PRKAR1B: variants seen among roughly 807,000 people sequenced by gnomAD.
PRKAR1B encodes the protein cAMP-dependent protein kinase type I-beta regulatory subunit.
Under a neutral mutation model 46.5 loss-of-function variants are expected in PRKAR1B, and 22 were observed. That is an observed-to-expected ratio of 0.47 (90% CI 0.34 to 0.68). The LOEUF is 0.68. PRKAR1B is among the 30% of genes least tolerant of loss of function. The pLI is 0.01. For synonymous variants in PRKAR1B, 259 were observed against 217.7 expected (o/e 1.19, Z -1.67); for missense variants, 445 against 535.6 (o/e 0.83, Z 1.67).
intron 2 of PRKAR1B, among the ~76,000 whole-genome samples, chr7:680,982 A>T (rs1264743100): frequency 6.6e-6 from 1 of 151,970 alleles, no homozygotes; most frequent in Non-Finnish European, 1.5e-5. Flanking sequence ...TGTAATCCCC[A>T]TCATCCCCAT....
At chr7:707,246 C>T (rs1358171085) in intron 2 of PRKAR1B, among the ~76,000 whole-genome samples, 1 of 152,220 alleles carries the variant, frequency 6.6e-6, no homozygotes, top group Non-Finnish European at 1.5e-5. Flanking sequence ...CTCCCCAATG[C>T]CTGTCCCTAT....
intron 4 of PRKAR1B, among the ~76,000 whole-genome samples, chr7:653,638 C>T (rs1785026862): frequency 6.6e-6 from 1 of 152,110 alleles, no homozygotes; most frequent in South Asian, 2.1e-4. Flanking sequence ...AAGGGCTACT[C>T]CAAAAGCTCA....
At chr7:724,560 T>C (rs1781183361) in intron 1 of PRKAR1B, among the ~76,000 whole-genome samples, 1 of 152,250 alleles carries the variant, frequency 6.6e-6, no homozygotes, top group African/African-American at 2.4e-5. Flanking sequence ...CTGTATAAGT[T>C]ACCCAGTCTC....
intron 6 of PRKAR1B, among the ~76,000 whole-genome samples, chr7:598,785 G>GC (rs1162835078): frequency 6.6e-5 from 10 of 152,232 alleles, no homozygotes; most frequent in African/African-American, 2.4e-4. Context: ...AGCCAGGGAG[G>GC]CGGGTAACAT....
In PRKAR1B at chr7:711,314, G is replaced by T; in HGVS notation, c.177+15C>A. ...CACGTGCGAAGGGAAGCAGCGGGCG[G>T]CGGGGGCCACTCACCTTCTCCAGCT... On this transcript the variant is annotated intron_variant, in intron 2 of 10. Transcript: ENST00000537384. 6.2e-7 allele frequency: 1 copy of T among 1,613,768 alleles called. No individual in the cohort carries two copies. Among genetic ancestry groups the T allele is most frequent in the Non-Finnish European group, 8.5e-7 (1 of 1,179,758 alleles).
At chr7:579,455 C>G in intron 8 of PRKAR1B, 78 bp from the exon 9 acceptor site, 1 of 1,576,292 alleles carries the variant, frequency 6.3e-7, no homozygotes, top group Non-Finnish European at 8.6e-7. Flanking sequence ...GGCCACCGCT[C>G]TTCCCGAAAG....
intron 9 of PRKAR1B, among the ~76,000 whole-genome samples, chr7:570,227 G>T (rs1235631089): frequency 6.6e-6 from 1 of 152,222 alleles, no homozygotes; most frequent in Non-Finnish European, 1.5e-5. Flanking sequence ...GCCTCCGGAA[G>T]GTTGACCGCA....
chr7:601,430 T>C (rs1405889968), intron 6 of PRKAR1B, among the ~76,000 whole-genome samples: 1 of 152,250 alleles, frequency 6.6e-6, no homozygotes, highest in African/African-American at 2.4e-5. Context: ...GTAATTATTA[T>C]AATACATATG....
intron 4 of PRKAR1B, among the ~76,000 whole-genome samples, chr7:618,490 T>C (rs1020601565): frequency 5.3e-5 from 8 of 152,210 alleles, no homozygotes; most frequent in Non-Finnish European, 1.5e-5. Flanking sequence ...TCTTAAGCTA[T>C]GTGCATTTAA....
At chr7:624,099 C>T (rs1321472680) in intron 4 of PRKAR1B, among the ~76,000 whole-genome samples, 1 of 152,188 alleles carries the variant, frequency 6.6e-6, no homozygotes, top group African/African-American at 2.4e-5. Context: ...AGACCAGCAC[C>T]CGCAGGTTTA....
intron 7 of PRKAR1B, among the ~76,000 whole-genome samples, chr7:590,319 G>A (rs1019591870): frequency 2.6e-5 from 4 of 152,268 alleles, no homozygotes; most frequent in African/African-American, 7.2e-5. Flanking sequence ...GAGAAGAGCT[G>A]CAGCTGAGAG....
At chr7:567,757 G>A (rs1260211549) in intron 9 of PRKAR1B, among the ~76,000 whole-genome samples, 1 of 152,244 alleles carries the variant, frequency 6.6e-6, no homozygotes, top group Non-Finnish European at 1.5e-5. Flanking sequence ...CACTATGCAA[G>A]TGAAATAAGC....
At chr7:599,333 T>A (rs1206502924) in intron 6 of PRKAR1B, among the ~76,000 whole-genome samples, 1 of 152,062 alleles carries the variant, frequency 6.6e-6, no homozygotes, top group African/African-American at 2.4e-5. Flanking sequence ...GTTTCGCTCT[T>A]GTTCCTCAGG....
At position 581,631 on chromosome 7, in the gene PRKAR1B, G is replaced by A. The variant is rs980117474; in HGVS notation, c.770-2254C>T. On this transcript the variant is annotated intron_variant, in intron 8 of 10. Transcript: ENST00000537384. ...ACATTTGAAACCTGTAGTATTCTGA[G>A]TTCTAAAAACAAAAATTATCTCCTG... Among the ~76,000 whole-genome samples the A allele has an allele frequency of 3.3e-5, 5 of 152,152 alleles. No homozygotes were observed. The East Asian group carries it at 9.6e-4, about 29-fold the overall frequency.
rs113190637 is a variant in PRKAR1B at position 583,674 on chromosome 7, A to T, written c.769+834T>A. ...CACACCCATGCGCACACACCCACACACAACCCACACGGTGCACTCACACCC... is the reference window on the plus strand; with the variant it reads ...CACACCCATGCGCACACACCCACACTCAACCCACACGGTGCACTCACACCC... On this transcript the variant is annotated intron_variant, in intron 8 of 10. Coordinates refer to ENST00000537384, the MANE Select transcript of PRKAR1B (RefSeq NM_001164760.2). Among the ~76,000 whole-genome samples the T allele has an allele frequency of 6.8e-4, 94 of 137,824 alleles. 2 individuals are homozygous for T. Among genetic ancestry groups the T allele is most frequent in the African/African-American group, 8.6e-4 (30 of 34,908 alleles). The allele number at this position is 137,824 out of a possible 152,430, so 90.4% of individuals were successfully genotyped here.
In PRKAR1B at chr7:550,192, C is replaced by A; in HGVS notation, c.*238G>T. On this transcript the variant is annotated 3_prime_UTR_variant, in exon 11 of 11. Transcript: ENST00000537384. Reference sequence around the variant, plus strand: ...GCCGGGGAGGCGTGTGGGGAGGAAGCTGGCCTGTCCCTTCCTTGATCTTGG... The same window carrying A: ...GCCGGGGAGGCGTGTGGGGAGGAAGATGGCCTGTCCCTTCCTTGATCTTGG... The A allele has an allele frequency of 1.9e-6, 1 of 523,748 alleles. No individual in the cohort carries two copies. Among genetic ancestry groups the A allele is most frequent in the East Asian group, 3.5e-5 (1 of 28,792 alleles). The allele number at this position is 523,748 out of a possible 1,614,324, so 32.4% of individuals were successfully genotyped here.
chr7:704,723 C>T (rs970250728), intron 2 of PRKAR1B, among the ~76,000 whole-genome samples: 1 of 151,962 alleles, frequency 6.6e-6, no homozygotes, highest in African/African-American at 2.4e-5. Flanking sequence ...GAGCTAAGAT[C>T]GCACCACTGC....
chr7:678,931 C>CA (rs991164537), intron 3 of PRKAR1B, among the ~76,000 whole-genome samples: 6 of 151,948 alleles, frequency 3.9e-5, no homozygotes, highest in Admixed American at 2.0e-4. Context: ...ACTAAAAATA[C>CA]AAAAAAATTA....
At chr7:624,687 G>A (rs1191876156) in intron 4 of PRKAR1B, among the ~76,000 whole-genome samples, 6 of 152,230 alleles carry the variant, frequency 3.9e-5, no homozygotes, top group African/African-American at 1.2e-4. Flanking sequence ...GGTCACTATA[G>A]GCCTATTAAA....
Sources: allele counts gnomAD v4.1 joint callset (sites outside exome capture counted in the v4.1 genomes callset), GRCh38; gene constraint gnomAD v4.1.1; transcripts MANE v1.5; gene names NCBI Gene and HGNC (gene_info 2026-07-23, HGNC 2026-07-21).